The following CSRNP3 variants were observed in gnomAD, a reference collection of about 807,000 sequenced individuals.
CSRNP3 encodes cysteine/serine-rich nuclear protein 3.
A neutral mutation model predicts 48.0 loss-of-function variants in CSRNP3; 12 were observed. That is an observed-to-expected ratio of 0.25 (90% CI 0.16 to 0.41). The LOEUF (loss-of-function observed/expected upper bound fraction) is 0.41, where lower values mean the gene tolerates loss of function less well. Ranked by LOEUF, CSRNP3 falls within the 10% of genes least tolerant of loss-of-function variation. The pLI, the probability that CSRNP3 is intolerant of heterozygous loss-of-function variation, is 1.00. For synonymous variants in CSRNP3, 263 were observed against 269.7 expected (o/e 0.98, Z 0.24); for missense variants, 580 against 724.4 (o/e 0.80, Z 2.29).
rs544251717 is a variant in CSRNP3 at position 165,630,922 on chromosome 2, T to A, written c.149-26839T>A. ...AGACATACAGAGATTTGTGAATGAA[T>A]ACCCCAGGGAGGCTAATTATTTGTT... On this transcript the variant is annotated intron_variant, in intron 4 of 6. Coordinates refer to ENST00000651982, the MANE Select transcript of CSRNP3 (RefSeq NM_001172173.2). Among the ~76,000 whole-genome samples the A allele has an allele frequency of 5.3e-5, 8 of 152,338 alleles. No homozygotes were observed. In the South Asian group the frequency reaches 8.3e-4, roughly 16 times the overall value.
chr2:165,538,350 G>A (rs1447316456), intron 3 of CSRNP3, among the ~76,000 whole-genome samples: 10 of 151,862 alleles, frequency 6.6e-5, no homozygotes, highest in Non-Finnish European at 1.3e-4. Flanking sequence ...GCCATTTTGA[G>A]GCTGTGGGAT....
intron 3 of CSRNP3, among the ~76,000 whole-genome samples, chr2:165,553,492 C>T (rs916873191): frequency 7.2e-5 from 11 of 152,180 alleles, no homozygotes; most frequent in African/African-American, 2.7e-4. Context: ...TTCATAACCA[C>T]TAATTTCAGC....
intron 3 of CSRNP3, among the ~76,000 whole-genome samples, chr2:165,568,971 T>C (rs1272875850): frequency 1.3e-5 from 2 of 152,020 alleles, no homozygotes; most frequent in East Asian, 1.9e-4. Context: ...CAATAAAATA[T>C]GCAAACTTTT....
intron 5 of CSRNP3, among the ~76,000 whole-genome samples, chr2:165,661,178 T>G (rs1045355415): frequency 6.6e-6 from 1 of 152,212 alleles, no homozygotes; most frequent in Non-Finnish European, 1.5e-5. Context: ...AAATTTCACT[T>G]TTAATGTGGT....
chr2:165,653,452 T>G (rs904098660), intron 4 of CSRNP3, among the ~76,000 whole-genome samples: 2 of 152,192 alleles, frequency 1.3e-5, no homozygotes, highest in African/African-American at 4.8e-5. Context: ...CTGAAGGCCT[T>G]CTGCTCCCTG....
At chr2:165,567,363 G>A (rs1342229745) in intron 3 of CSRNP3, among the ~76,000 whole-genome samples, 1 of 152,030 alleles carries the variant, frequency 6.6e-6, no homozygotes. Context: ...AGAGACTTAA[G>A]GATGGGGAAA....
chr2:165,511,922 G>T (rs762072414), intron 2 of CSRNP3, among the ~76,000 whole-genome samples: 17 of 152,072 alleles, frequency 1.1e-4, no homozygotes, highest in Non-Finnish European at 2.5e-4. Flanking sequence ...AATCAGGTGG[G>T]TTTTTTTGTC....
At chr2:165,584,540 C>T (rs1292880587) in intron 3 of CSRNP3, among the ~76,000 whole-genome samples, 2 of 152,072 alleles carry the variant, frequency 1.3e-5, no homozygotes, top group Non-Finnish European at 2.9e-5. Flanking sequence ...GAAGAGATGG[C>T]CTTTTTCTTC....
chr2:165,491,960 A>AAAAC (rs1054917260), intron 1 of CSRNP3, among the ~76,000 whole-genome samples: 3 of 150,676 alleles, frequency 2.0e-5, no homozygotes, highest in Non-Finnish European at 3.0e-5. Context: ...TAAAAAAAAA[A>AAAAC]AAAAAAACAA....
At chr2:165,599,281 GAGAGAAAGAA>G (rs1342693582) in intron 4 of CSRNP3, among the ~76,000 whole-genome samples, 6 of 77,456 alleles carry the variant, frequency 7.7e-5, no homozygotes, top group African/African-American at 2.1e-4. Context: ...GAAAGAGAGA[GAGAGAAAGAA>G]AGAAAGAAAG....
At chr2:165,667,333 C>T (rs1263469350) in intron 5 of CSRNP3, among the ~76,000 whole-genome samples, 1 of 152,180 alleles carries the variant, frequency 6.6e-6, no homozygotes, top group Non-Finnish European at 1.5e-5. Flanking sequence ...TGGACACATT[C>T]CCTGTAGTAA....
chr2:165,665,816 A>AAAGG (rs1186943964), intron 5 of CSRNP3, among the ~76,000 whole-genome samples: 1 of 150,466 alleles, frequency 6.6e-6, no homozygotes, highest in Non-Finnish European at 1.5e-5. Context: ...AGAGAAAGAG[A>AAAGG]AAGGAAGGAA....
intron 3 of CSRNP3, among the ~76,000 whole-genome samples, chr2:165,539,250 A>G (rs1165940133): frequency 2.0e-5 from 3 of 151,996 alleles, no homozygotes. Flanking sequence ...GGCTTCATGT[A>G]AGTCCAATAT....
In CSRNP3 at chr2:165,681,403, A is replaced by G. The variant is rs1687535686; in HGVS notation, c.*1650A>G. 1 of 152,032 alleles carries G rather than the reference A, an allele frequency of 6.6e-6. No individual in the cohort carries two copies. Among genetic ancestry groups the G allele is most frequent in the African/African-American group, 2.4e-5 (1 of 41,394 alleles). 9.4% of individuals were successfully genotyped at this position (152,032 alleles called of 1,614,324 possible). On this transcript the variant is annotated 3_prime_UTR_variant, in exon 7 of 7. Coordinates refer to ENST00000651982, the MANE Select transcript of CSRNP3 (RefSeq NM_001172173.2). ...AGAATTATGGATATAAATATATTGTAGATCTCAATTTCTAAAAAAAATATT... is the reference window on the plus strand; with the variant it reads ...AGAATTATGGATATAAATATATTGTGGATCTCAATTTCTAAAAAAAATATT...
chr2:165,649,277 T>A (rs1230603557), intron 4 of CSRNP3, among the ~76,000 whole-genome samples: 1 of 151,904 alleles, frequency 6.6e-6, no homozygotes, highest in Non-Finnish European at 1.5e-5. Context: ...AACAAAAGAG[T>A]CTTGTCTTGA....
intron 4 of CSRNP3, among the ~76,000 whole-genome samples, chr2:165,653,972 CAAAAAAAAAAAAAAAAA>C (rs71028497): frequency 8.7e-4 from 36 of 41,226 alleles, no homozygotes; most frequent in Admixed American, 1.5e-3. Flanking sequence ...AGCTCTATCA[CAAAAAAAAAAAAAAAAA>C]AAAAAAAAAA....
intron 3 of CSRNP3, among the ~76,000 whole-genome samples, chr2:165,574,826 G>A (rs974939101): frequency 6.6e-6 from 1 of 152,052 alleles, no homozygotes; most frequent in East Asian, 1.9e-4. Context: ...GATGTATCTG[G>A]TATTAAATAA....
intron 3 of CSRNP3, among the ~76,000 whole-genome samples, chr2:165,553,799 G>A (rs1241541712): frequency 6.6e-6 from 1 of 152,082 alleles, no homozygotes; most frequent in Non-Finnish European, 1.5e-5. Context: ...CACTGCAGCA[G>A]ATGCCTCACT....
chr2:165,540,658 C>G (rs1415342146), intron 3 of CSRNP3, among the ~76,000 whole-genome samples: 1 of 69,806 alleles, frequency 1.4e-5, no homozygotes, highest in East Asian at 4.6e-4. Context: ...TTTATGGCAC[C>G]AGTTCTTTTT....
Sources: gnomAD v4.1 joint callset for allele counts (sites outside exome capture counted in the v4.1 genomes callset) on GRCh38, gnomAD v4.1.1 for gene constraint, MANE v1.5 for transcripts, NCBI Gene and HGNC (gene_info 2026-07-23, HGNC 2026-07-21) for gene names.